Variants in UST observed in about 807,000 individuals in gnomAD.
The protein encoded by UST is uronyl 2-sulfotransferase.
UST carries 21 observed loss-of-function variants against 45.6 expected under a neutral mutation model. The ratio of observed to expected loss-of-function variants is 0.46; its 90% CI spans 0.33 to 0.66. UST has a LOEUF of 0.66. UST is among the 30% of genes least tolerant of loss of function. The probability of loss-of-function intolerance (pLI) is 0.02; values close to 1 mark genes in which losing one functional copy is unlikely to be tolerated. For synonymous variants in UST, 215 were observed against 200.6 expected (o/e 1.07, Z -0.61); for missense variants, 463 against 512.4 (o/e 0.90, Z 0.93).
intron 7 of UST, among the ~76,000 whole-genome samples, chr6:149,039,739 A>G (rs1224998858): frequency 2.0e-5 from 3 of 152,238 alleles, no homozygotes; most frequent in South Asian, 2.1e-4. Flanking sequence ...ACAACTGAGC[A>G]GCGAGGAAAC....
intron 1 of UST, among the ~76,000 whole-genome samples, chr6:148,813,999 G>T (rs370086721): frequency 6.6e-6 from 1 of 152,060 alleles, no homozygotes; most frequent in Admixed American, 6.5e-5. Context: ...AATCTTTTCG[G>T]CCTTTCCAGG....
chr6:148,940,894 G>A (rs1780113175), intron 2 of UST, among the ~76,000 whole-genome samples: 3 of 151,964 alleles, frequency 2.0e-5, no homozygotes, highest in Non-Finnish European at 4.4e-5. Flanking sequence ...AAGAGTTCTG[G>A]AATTCCACTC....
At chr6:149,035,123 C>T (rs770404053) in intron 7 of UST, among the ~76,000 whole-genome samples, 4 of 152,124 alleles carry the variant, frequency 2.6e-5, no homozygotes, top group Non-Finnish European at 5.9e-5. Context: ...ATGCGCTTCG[C>T]TGTTTTTTCC....
chr6:149,058,049 A>T (rs1776594188), intron 7 of UST, among the ~76,000 whole-genome samples: 1 of 152,250 alleles, frequency 6.6e-6, no homozygotes, highest in Non-Finnish European at 1.5e-5. Context: ...TTTATGTTTT[A>T]AATTATTTTT....
chr6:148,919,076 T>G (rs73778961), intron 2 of UST, among the ~76,000 whole-genome samples: 2,899 of 152,214 alleles, frequency 0.019, 104 homozygotes, highest in African/African-American at 0.067. Context: ...GCAAGAAAAA[T>G]GAAACTGAAC....
chr6:149,022,616 AG>A (rs1424151651), intron 7 of UST, among the ~76,000 whole-genome samples: 1 of 152,098 alleles, frequency 6.6e-6, no homozygotes, highest in Non-Finnish European at 1.5e-5. Flanking sequence ...AAAGAAAGAA[AG>A]AAAGAAGGAA....
chr6:148,992,886 T>C (rs566198447), intron 5 of UST: 31 of 544,766 alleles, frequency 5.7e-5, no homozygotes, highest in South Asian at 3.2e-4. Flanking sequence ...TCTAGTGAAG[T>C]CTACAGACCT....
Position 148,964,399 on chromosome 6 carries a change from G to A in UST, c.528-11G>A, listed in dbSNP as rs772849295. 6.2e-7 allele frequency: 1 copy of A among 1,614,008 alleles called. No individual in the cohort carries two copies. Among genetic ancestry groups the A allele is most frequent in the Non-Finnish European group, 8.5e-7 (1 of 1,179,886 alleles). On this transcript the variant is annotated splice_polypyrimidine_tract_variant and intron_variant, in intron 4 of 7. Transcript: ENST00000367463. ...AGTGATGGGTTGTAACGAACTCAAT[G>A]TTTGTGTTAGGTTTGGAGGAGACCA... is the stretch of plus-strand genomic sequence containing the variant.
intron 1 of UST, among the ~76,000 whole-genome samples, chr6:148,872,960 C>G (rs1010680893): frequency 1.3e-5 from 2 of 152,100 alleles, no homozygotes; most frequent in African/African-American, 4.8e-5. Flanking sequence ...TCTTTTGCCA[C>G]GTAAAGTAAC....
At chr6:149,023,005 C>T (rs1776000107) in intron 7 of UST, among the ~76,000 whole-genome samples, 1 of 152,008 alleles carries the variant, frequency 6.6e-6, no homozygotes, top group South Asian at 2.1e-4. Flanking sequence ...AAACTCCGTT[C>T]TTTGTGCAAG....
At chr6:149,047,331 A>G (rs1044595887) in intron 7 of UST, among the ~76,000 whole-genome samples, 14 of 152,224 alleles carry the variant, frequency 9.2e-5, no homozygotes, top group African/African-American at 3.4e-4. Context: ...GGAAAAATTA[A>G]GGAATGTGTA....
At chr6:148,973,091 TTTTA>T (rs1264837116) in intron 5 of UST, among the ~76,000 whole-genome samples, 3 of 152,222 alleles carry the variant, frequency 2.0e-5, no homozygotes, top group South Asian at 2.1e-4. Context: ...CCTTAGACAT[TTTTA>T]TTTGTTAGGC....
intron 5 of UST, among the ~76,000 whole-genome samples, chr6:148,986,833 T>C (rs1781247033): frequency 1.3e-5 from 2 of 152,246 alleles, no homozygotes; most frequent in South Asian, 4.1e-4. Context: ...CCTACCTGGA[T>C]AGAAAGTTCC....
At chr6:149,048,766 C>A (rs1193765022) in intron 7 of UST, among the ~76,000 whole-genome samples, 1 of 152,000 alleles carries the variant, frequency 6.6e-6, no homozygotes, top group Admixed American at 6.6e-5. Flanking sequence ...AAGAAATAAG[C>A]CCAACCACAT....
chr6:148,933,327 CAGAT>C (rs1423026845), intron 2 of UST, among the ~76,000 whole-genome samples: 6 of 152,256 alleles, frequency 3.9e-5, no homozygotes, highest in Non-Finnish European at 8.8e-5. Flanking sequence ...ATATACATAA[CAGAT>C]AGATTATTTT....
chr6:148,910,183 C>T (rs1779446587), intron 2 of UST, among the ~76,000 whole-genome samples: 1 of 147,110 alleles, frequency 6.8e-6, no homozygotes, highest in African/African-American at 2.5e-5. Flanking sequence ...TCTCGTTGCC[C>T]AGGCTGGAGT....
intron 5 of UST, among the ~76,000 whole-genome samples, chr6:149,002,028 A>G (rs181142782): frequency 6.6e-6 from 1 of 152,324 alleles, no homozygotes; most frequent in African/African-American, 2.4e-5. Context: ...CTATTTACAA[A>G]TGAATTTTTA....
chr6:148,917,146 G>A (rs1375382383), intron 2 of UST, among the ~76,000 whole-genome samples: 3 of 152,234 alleles, frequency 2.0e-5, no homozygotes, highest in African/African-American at 4.8e-5. Flanking sequence ...ACAGTGGCCT[G>A]GGGAGGAAAG....
intron 1 of UST, among the ~76,000 whole-genome samples, chr6:148,870,827 A>AAAGAG: frequency 6.6e-6 from 1 of 152,080 alleles, no homozygotes; most frequent in Non-Finnish European, 1.5e-5. Context: ...CCCTTCTCAC[A>AAAGAG]TACATCACTC....
Sources: allele counts gnomAD v4.1 joint callset (sites outside exome capture counted in the v4.1 genomes callset), GRCh38; gene constraint gnomAD v4.1.1; transcripts MANE v1.5; gene names NCBI Gene and HGNC (gene_info 2026-07-23, HGNC 2026-07-21).